The following FRYL variants were observed in gnomAD, a reference collection of about 807,000 sequenced individuals.
FRYL encodes the protein protein furry homolog-like.
Under a neutral mutation model 351.2 loss-of-function variants are expected in FRYL, and 150 were observed. That is an observed-to-expected ratio of 0.43 (90% CI 0.37 to 0.49). The LOEUF is 0.49. Ranked by LOEUF, FRYL falls within the 20% of genes least tolerant of loss-of-function variation. The probability of loss-of-function intolerance (pLI) is 0.00; values close to 1 mark genes in which losing one functional copy is unlikely to be tolerated. For synonymous variants in FRYL, 1,153 were observed against 1,257.1 expected (o/e 0.92, Z 1.75); for missense variants, 3,036 against 3,619.3 (o/e 0.84, Z 4.13).
Position 48,540,941 on chromosome 4 carries a change from T to C in FRYL, c.5707A>G (p.Ile1903Val), listed in dbSNP as rs370125222. 2 of 1,599,036 alleles carry C rather than the reference T, an allele frequency of 1.3e-6. No homozygotes were observed. The highest frequency in any genetic ancestry group is 2.2e-5 in the East Asian group (1 of 44,578). ...ALSQTSYHDP[I>V]MGNKYAANRK... Reference sequence around the variant, plus strand: ...TTAGCTGCATACTTGTTTCCCATTATAGGATCATGATATGAGGTTCTTAAA... The same window carrying C: ...TTAGCTGCATACTTGTTTCCCATTACAGGATCATGATATGAGGTTCTTAAA... Residue 1903 changes from isoleucine (I) to valine (V), a missense_variant, in exon 46 of 64, where the codon ATA becomes GTA. Ile to Val is a conservative substitution (Grantham distance 29). Coordinates refer to ENST00000358350, the MANE Select transcript of FRYL (RefSeq NM_015030.2).
In FRYL at chr4:48,634,515, C is replaced by T. The variant is rs764445187; in HGVS notation, c.-80-25G>A. ...GCTAAAAGTAAAAGAAACAAAAGAA[C>T]TCTACTTTAATAAATCAACTCAAGA... is the stretch of plus-strand genomic sequence containing the variant. On this transcript the variant is annotated intron_variant, in intron 3 of 63. Coordinates refer to ENST00000358350, the MANE Select transcript of FRYL (RefSeq NM_015030.2). The T allele has an allele frequency of 3.2e-6, 5 of 1,579,828 alleles. No homozygotes were observed. The Admixed American group carries it at 6.8e-5, about 22-fold the overall frequency.
rs1363886115 is a variant in FRYL, at chr4:48,550,602, T to C, written c.4623A>G (p.Glu1541=). 2.5e-6 allele frequency: 4 copies of C among 1,607,852 alleles called. No individual in the cohort carries two copies. The African/African-American group carries it at 5.3e-5, about 21-fold the overall frequency. ...TTTGGAATTTATTACTTTTTTCTTC[T>C]TCATAAGATCCTCCAGAGCTGCTAC... ...RYSSSSGGSY[E]EEKSDSMPLY... The change falls in exon 38 of 64, where the codon GAA becomes GAG. Residue 1541 remains glutamate (E), a synonymous_variant. Transcript: ENST00000358350.
At chr4:48,523,212 C>A in intron 53 of FRYL, 108 bp from the exon 54 acceptor site, 1 of 677,538 alleles carries the variant, frequency 1.5e-6, no homozygotes, top group Non-Finnish European at 2.5e-6. Flanking sequence ...CTTAATGCAT[C>A]ATTAAAAGCA....
At chr4:48,590,516 C>A (rs1286932024) in intron 17 of FRYL, 143 bp downstream of exon 17, 9 of 547,154 alleles carry the variant, frequency 1.6e-5, no homozygotes, top group African/African-American at 3.9e-5. Flanking sequence ...ACAAAAAAAA[C>A]CCAGAAGTAT....
chr4:48,628,431 C>CGTGTGTGTGTGTGTGTGTGT (rs397993302), intron 4 of FRYL, among the ~76,000 whole-genome samples: 22 of 144,752 alleles, frequency 1.5e-4, no homozygotes, highest in African/African-American at 2.0e-4. Context: ...CCTTCATTTG[C>CGTGTGTGTGTGTGTGTGTGT]GTGTGTGTGT....
intron 35 of FRYL, among the ~76,000 whole-genome samples, chr4:48,556,513 T>C (rs1032072575): frequency 6.6e-6 from 1 of 152,198 alleles, no homozygotes. Context: ...CCTGTTCTCA[T>C]ATCTAAATGC....
At chr4:48,640,505 A>G (rs1326166016) in intron 3 of FRYL, among the ~76,000 whole-genome samples, 1 of 152,192 alleles carries the variant, frequency 6.6e-6, no homozygotes, top group East Asian at 1.9e-4. Flanking sequence ...GGGAGAAGGG[A>G]GCAATGAATA....
intron 13 of FRYL, among the ~76,000 whole-genome samples, chr4:48,596,656 G>A (rs1459933620): frequency 1.3e-5 from 2 of 151,860 alleles, no homozygotes; most frequent in Non-Finnish European, 2.9e-5. Context: ...AACAGTACCT[G>A]GCATGTATTA....
At position 48,565,642 on chromosome 4, in the gene FRYL, T is replaced by C. The variant is rs367565923; in HGVS notation, c.3219A>G (p.Leu1073=). The C allele has an allele frequency of 9.0e-5, 146 of 1,613,932 alleles. 1 individual carries two copies. The African/African-American group carries it at 1.2e-3, about 13-fold the overall frequency. ...IFPQQSLRHS[L]FMLFSHWAGP... is the part of the protein sequence containing the mutation. Reference sequence around the variant, plus strand: ...CTGCCCAGTGACTGAACAGCATAAATAGACTGTGACGAAGGCTCTGTTGAG... The same window carrying C: ...CTGCCCAGTGACTGAACAGCATAAACAGACTGTGACGAAGGCTCTGTTGAG... Residue 1073 remains leucine (L), a synonymous_variant, in exon 29 of 64, where the codon CTA becomes CTG. Transcript: ENST00000358350.
At chr4:48,530,602 C>G (rs1387321406) in intron 50 of FRYL, among the ~76,000 whole-genome samples, 1 of 152,126 alleles carries the variant, frequency 6.6e-6, no homozygotes, top group Non-Finnish European at 1.5e-5. Flanking sequence ...AGCCTCATGT[C>G]TCATCACACT....
chr4:48,552,706 TCTC>T (rs1373364665), intron 36 of FRYL, among the ~76,000 whole-genome samples: 2 of 151,814 alleles, frequency 1.3e-5, no homozygotes, highest in African/African-American at 4.8e-5. Context: ...TTATTAGACA[TCTC>T]CTGGAAAATA....
intron 49 of FRYL, among the ~76,000 whole-genome samples, chr4:48,534,143 T>C (rs1728351905): frequency 6.6e-6 from 1 of 152,150 alleles, no homozygotes; most frequent in Non-Finnish European, 1.5e-5. Flanking sequence ...GGAGACTCAC[T>C]TGAATCCAGG....
rs149190543 is a variant in FRYL at position 48,574,134 on chromosome 4, T to A, written c.2847-891A>T. ...AAAATGATAAATTTCTCTTTATTTA[T>A]ATTTTGATTTTAAATTGAAAATGTG... On this transcript the variant is annotated intron_variant, in intron 25 of 63. Transcript: ENST00000358350. Among the ~76,000 whole-genome samples, 435 of 152,256 alleles carry A rather than the reference T, an allele frequency of 2.9e-3. 1 individual carries two copies. Among genetic ancestry groups the A allele is most frequent in the African/African-American group, 9.9e-3 (413 of 41,568 alleles).
At chr4:48,545,298 C>T (rs1328581419) in intron 42 of FRYL, among the ~76,000 whole-genome samples, 3 of 152,206 alleles carry the variant, frequency 2.0e-5, no homozygotes, top group African/African-American at 7.2e-5. Context: ...AAGTTTAGGA[C>T]AGAGTAATGT....
intron 3 of FRYL, among the ~76,000 whole-genome samples, chr4:48,641,782 TATC>T (rs1755373628): frequency 6.6e-6 from 1 of 152,222 alleles, no homozygotes; most frequent in Non-Finnish European, 1.5e-5. Flanking sequence ...TCCAAATTCT[TATC>T]ATACTGTTTG....
At chr4:48,729,040 T>C (rs1770418738) in intron 1 of FRYL, among the ~76,000 whole-genome samples, 1 of 152,224 alleles carries the variant, frequency 6.6e-6, no homozygotes, top group Non-Finnish European at 1.5e-5. Flanking sequence ...TTTCCCACGG[T>C]CTTCGCAACT....
chr4:48,546,600 A>C, intron 41 of FRYL: 1 of 265,176 alleles, frequency 3.8e-6, no homozygotes, highest in Admixed American at 4.9e-5. Context: ...TCACATTTCT[A>C]TAATATGAAC....
At chr4:48,642,826 T>C (rs979308029) in intron 3 of FRYL, among the ~76,000 whole-genome samples, 18 of 152,130 alleles carry the variant, frequency 1.2e-4, no homozygotes, top group Non-Finnish European at 2.5e-4. Flanking sequence ...CTAGAGATAA[T>C]GAGGTATTTT....
chr4:48,550,674 T>G lies in FRYL; in HGVS notation c.4551A>C (p.Leu1517=). The change falls in exon 38 of 64, where the codon CTA becomes CTC. Residue 1517 remains leucine (L), a synonymous_variant. Coordinates refer to ENST00000358350, the MANE Select transcript of FRYL (RefSeq NM_015030.2). ...SYVHLDIYSG[L]NSHLNRQHHR... ...GATGTTGCCGATTCAAATGACTGTT[T>G]AGTCCACTGTAAATGTCCAGGTGCA... is the stretch of plus-strand genomic sequence containing the variant. 1 of 1,613,830 alleles carries G rather than the reference T, an allele frequency of 6.2e-7. No individual in the cohort carries two copies. The highest frequency in any genetic ancestry group is 8.5e-7 in the Non-Finnish European group (1 of 1,179,686).
Sources: gnomAD v4.1 joint callset for allele counts (sites outside exome capture counted in the v4.1 genomes callset) on GRCh38, gnomAD v4.1.1 for gene constraint, MANE v1.5 for transcripts, NCBI Gene and HGNC (gene_info 2026-07-23, HGNC 2026-07-21) for gene names.